GNAQ: variants seen among roughly 807,000 people sequenced by gnomAD.
GNAQ encodes guanine nucleotide-binding protein G(q) subunit alpha.
A neutral mutation model predicts 43.9 loss-of-function variants in GNAQ; 8 were observed. The ratio of observed to expected loss-of-function variants is 0.18; its 90% CI spans 0.11 to 0.33. The LOEUF (loss-of-function observed/expected upper bound fraction) is 0.33, where lower values mean the gene tolerates loss of function less well. Among genes scored for constraint, GNAQ ranks in the 10% least tolerant of loss-of-function variants. GNAQ has a pLI of 1.00. For missense variants in GNAQ, 158 were observed against 450.8 expected (o/e 0.35, Z 5.88); for synonymous variants, 155 against 170.7 (o/e 0.91, Z 0.71).
At chr9:77,962,776 C>CA (rs911393841) in intron 1 of GNAQ, among the ~76,000 whole-genome samples, 1 of 151,386 alleles carries the variant, frequency 6.6e-6, no homozygotes, top group African/African-American at 2.4e-5. Flanking sequence ...CCTGTAATCC[C>CA]AGCTACTCGG....
chr9:77,787,071 C>G (rs1386660552), intron 5 of GNAQ, among the ~76,000 whole-genome samples: 1 of 152,020 alleles, frequency 6.6e-6, no homozygotes, highest in African/African-American at 2.4e-5. Flanking sequence ...AATCTAGACA[C>G]AAAAGAAAAT....
At chr9:77,780,718 G>A (rs572696762) in intron 5 of GNAQ, among the ~76,000 whole-genome samples, 2 of 152,000 alleles carry the variant, frequency 1.3e-5, no homozygotes, top group African/African-American at 2.4e-5. Flanking sequence ...ATTAGTTTAC[G>A]TTCTCACCAA....
intron 2 of GNAQ, among the ~76,000 whole-genome samples, chr9:77,849,472 AC>A (rs1827639141): frequency 6.6e-6 from 1 of 151,962 alleles, no homozygotes; most frequent in Non-Finnish European, 1.5e-5. Context: ...TTTAAACCTG[AC>A]CCCATGGGTA....
intron 1 of GNAQ, among the ~76,000 whole-genome samples, chr9:77,948,999 A>G (rs986104240): frequency 6.6e-6 from 1 of 152,174 alleles, no homozygotes; most frequent in African/African-American, 2.4e-5. Flanking sequence ...GGGTCTCCCC[A>G]AGAGGATCTC....
intron 2 of GNAQ, among the ~76,000 whole-genome samples, chr9:77,816,697 T>C (rs1340739440): frequency 6.6e-6 from 1 of 152,206 alleles, no homozygotes; most frequent in Admixed American, 6.5e-5. Flanking sequence ...TGGAGGCAGA[T>C]GGCTGATAAT....
At chr9:77,753,031 G>A (rs1318107889) in intron 5 of GNAQ, among the ~76,000 whole-genome samples, 1 of 142,534 alleles carries the variant, frequency 7.0e-6, no homozygotes, top group Admixed American at 7.3e-5. Flanking sequence ...AGCTTGCAGT[G>A]AGCCGAGATC....
At chr9:77,839,329 A>G (rs1028945067) in intron 2 of GNAQ, among the ~76,000 whole-genome samples, 1 of 152,206 alleles carries the variant, frequency 6.6e-6, no homozygotes, top group Non-Finnish European at 1.5e-5. Context: ...AGCTTGTTTG[A>G]GACTAAGATA....
At chr9:77,935,985 G>A (rs1829225476) in intron 1 of GNAQ, among the ~76,000 whole-genome samples, 2 of 152,136 alleles carry the variant, frequency 1.3e-5, no homozygotes, top group African/African-American at 2.4e-5. Flanking sequence ...TTGCTCGGAA[G>A]TATCACACCT....
intron 1 of GNAQ, among the ~76,000 whole-genome samples, chr9:77,999,503 T>C (rs1462418968): frequency 6.6e-6 from 1 of 152,168 alleles, no homozygotes; most frequent in Non-Finnish European, 1.5e-5. Flanking sequence ...GAAAATGTTA[T>C]CTAATAGTGG....
intron 2 of GNAQ, among the ~76,000 whole-genome samples, chr9:77,817,554 A>G (rs1380892293): frequency 6.6e-6 from 1 of 152,108 alleles, no homozygotes; most frequent in Non-Finnish European, 1.5e-5. Flanking sequence ...TTTATAACTT[A>G]ATTTTCTGTG....
chr9:77,839,584 A>T (rs990114124), intron 2 of GNAQ, among the ~76,000 whole-genome samples: 4 of 152,232 alleles, frequency 2.6e-5, no homozygotes, highest in East Asian at 1.9e-4. Flanking sequence ...TGAAATCCTC[A>T]TGGCACTGCC....
chr9:77,971,411 C>T (rs925820236), intron 1 of GNAQ, among the ~76,000 whole-genome samples: 2 of 152,174 alleles, frequency 1.3e-5, no homozygotes, highest in Non-Finnish European at 2.9e-5. Flanking sequence ...TCCAGCAGCA[C>T]ATCAAAAAGC....
chr9:77,938,266 A>G (rs1241511062), intron 1 of GNAQ, among the ~76,000 whole-genome samples: 1 of 152,152 alleles, frequency 6.6e-6, no homozygotes, highest in Non-Finnish European at 1.5e-5. Context: ...CACACAGCCT[A>G]TGGATTCAGA....
intron 1 of GNAQ, among the ~76,000 whole-genome samples, chr9:77,952,130 T>C (rs947739200): frequency 2.8e-4 from 43 of 152,378 alleles, no homozygotes; most frequent in African/African-American, 9.9e-4. Context: ...GGGTAGTATC[T>C]GTATTTTCTA....
intron 6 of GNAQ, among the ~76,000 whole-genome samples, chr9:77,722,558 T>C (rs1825333581): frequency 6.6e-6 from 1 of 152,084 alleles, no homozygotes; most frequent in Admixed American, 6.6e-5. Context: ...TTGCAATGGA[T>C]TCTTAGATAT....
At chr9:77,979,580 C>T (rs902054089) in intron 1 of GNAQ, among the ~76,000 whole-genome samples, 1 of 151,934 alleles carries the variant, frequency 6.6e-6, no homozygotes, top group Non-Finnish European at 1.5e-5. Context: ...AACAATTAAG[C>T]TAATAAAAAG....
intron 3 of GNAQ, among the ~76,000 whole-genome samples, chr9:77,813,047 G>A (rs1309805396): frequency 6.6e-6 from 1 of 151,884 alleles, no homozygotes; most frequent in African/African-American, 2.4e-5. Flanking sequence ...TGAGTAGCTA[G>A]GACTACAGGC....
At chr9:78,020,769 T>C (rs959033834) in intron 1 of GNAQ, among the ~76,000 whole-genome samples, 2 of 152,168 alleles carry the variant, frequency 1.3e-5, no homozygotes, top group South Asian at 2.1e-4. Flanking sequence ...CGGGACTCCC[T>C]ATTACTCTAC....
At chr9:77,851,852 T>A (rs774914136) in intron 2 of GNAQ, among the ~76,000 whole-genome samples, 4 of 152,212 alleles carry the variant, frequency 2.6e-5, no homozygotes, top group Non-Finnish European at 4.4e-5. Flanking sequence ...TAATACCAAC[T>A]GAGCTGGCAC....
Sources: gnomAD v4.1 joint callset for allele counts (sites outside exome capture counted in the v4.1 genomes callset) on GRCh38, gnomAD v4.1.1 for gene constraint, MANE v1.5 for transcripts, NCBI Gene and HGNC (gene_info 2026-07-23, HGNC 2026-07-21) for gene names.